The following IL17B variants were observed in gnomAD, a reference collection of about 807,000 sequenced individuals.
IL17B encodes interleukin 17B.
Under a neutral mutation model 14.7 loss-of-function variants are expected in IL17B, and 14 were observed. The ratio of observed to expected loss-of-function variants is 0.95; its 90% CI spans 0.63 to 1.49. The LOEUF is 1.49. Among genes scored for constraint, IL17B ranks in the 40% most tolerant of loss-of-function variants. The pLI, the probability that IL17B is intolerant of heterozygous loss-of-function variation, is 0.00. For missense variants in IL17B, 233 were observed against 252.8 expected, an observed-to-expected ratio of 0.92 and a Z score of 0.53; for synonymous variants, 105 against 94.8, an observed-to-expected ratio of 1.11 and a Z score of -0.62.
intron 1 of IL17B, among the ~76,000 whole-genome samples, chr5:149,390,121 T>C (rs1758907215): frequency 6.6e-6 from 1 of 152,012 alleles, no homozygotes; most frequent in South Asian, 2.1e-4. Context: ...GGGTGGTGAA[T>C]ATGAATTTGT....
intron 2 of IL17B, among the ~76,000 whole-genome samples, chr5:149,375,428 A>C (rs1428390976): frequency 6.6e-6 from 1 of 152,224 alleles, no homozygotes; most frequent in East Asian, 1.9e-4. Flanking sequence ...CTTGCTAGAA[A>C]TGCAGAACCT....
At chr5:149,390,085 T>C (rs930429033) in intron 1 of IL17B, among the ~76,000 whole-genome samples, 1 of 152,170 alleles carries the variant, frequency 6.6e-6, no homozygotes, top group African/African-American at 2.4e-5. Flanking sequence ...TAATAACGTC[T>C]CTGGTGCCAT....
upstream of IL17B, among the ~76,000 whole-genome samples, chr5:149,382,103 A>C (rs1429345498): frequency 6.6e-6 from 1 of 151,994 alleles, no homozygotes; most frequent in Non-Finnish European, 1.5e-5. Flanking sequence ...AAATGTACTG[A>C]CCCTGAGGGA....
intron 1 of IL17B, among the ~76,000 whole-genome samples, chr5:149,390,420 G>A (rs576361170): frequency 2.0e-5 from 3 of 151,976 alleles, no homozygotes; most frequent in East Asian, 1.9e-4. Context: ...ACTCTCCCAC[G>A]CCCAGATGCT....
rs1443751547 is a variant in IL17B at position 149,379,197 on chromosome 5, C to T, written c.21+8G>A. 2 of 1,613,890 alleles carry T rather than the reference C, an allele frequency of 1.2e-6. No homozygotes were observed. The highest frequency in any genetic ancestry group is 1.7e-5 in the Admixed American group (1 of 60,008). On this transcript the variant is annotated splice_region_variant and intron_variant, in intron 1 of 2. Transcript: ENST00000261796. ...GGGGTGGGGGTGCGGCAGGGAAGCGCCACGTACCAGGTTGTGAGGCCAGTC... is the reference window on the plus strand; with the variant it reads ...GGGGTGGGGGTGCGGCAGGGAAGCGTCACGTACCAGGTTGTGAGGCCAGTC...
At chr5:149,401,995 G>A (rs1183381528) in intron 1 of IL17B, among the ~76,000 whole-genome samples, 1 of 152,140 alleles carries the variant, frequency 6.6e-6, no homozygotes, top group Non-Finnish European at 1.5e-5. Flanking sequence ...GTGTGGCCCG[G>A]TTTTCCTTGA....
Position 149,379,208 on chromosome 5 carries a change from G to C in IL17B, c.18C>G (p.Asn6Lys). 6.2e-7 allele frequency: 1 copy of C among 1,614,064 alleles called. No homozygotes were observed. The highest frequency in any genetic ancestry group is 1.7e-5 in the Admixed American group (1 of 60,030). ...GCGGCAGGGAAGCGCCACGTACCAG[G>C]TTGTGAGGCCAGTCCATTCCGCCAA... MDWPHNLLFLLTISIF... is the reference protein window; with the variant it reads MDWPHKLLFLLTISIF... The change falls in exon 1 of 3, where the codon AAC (asparagine) becomes AAG (lysine). Residue 6 changes from asparagine (N) to lysine (K), a missense_variant. By Grantham distance (94) the Asn-to-Lys change is moderately conservative. Coordinates refer to ENST00000261796, the MANE Select transcript of IL17B (RefSeq NM_014443.3).
upstream of IL17B, among the ~76,000 whole-genome samples, chr5:149,381,952 G>C (rs977071061): frequency 4.6e-5 from 7 of 152,228 alleles, no homozygotes; most frequent in Admixed American, 1.3e-4. Flanking sequence ...ATGCGTGAAT[G>C]AAGGACTGGG....
chr5:149,376,876 G>A lies in IL17B; in HGVS notation c.171C>T (p.Ala57=). Residue 57 remains alanine, a synonymous_variant, in exon 2 of 3, where the codon GCC becomes GCT. Transcript: ENST00000261796. The part of the protein sequence containing the change: ...LDLVSRMKPY[A]RMEEYERNIE... ...TGTTCCTCTCATACTCCTCCATGCG[G>A]GCATACGGTTTCATCCGTGACACCA... 1 of 1,614,168 alleles carries A rather than the reference G, an allele frequency of 6.2e-7. No homozygotes were observed. Among genetic ancestry groups the A allele is most frequent in the African/African-American group, 1.3e-5 (1 of 75,058 alleles).
intron 1 of IL17B, among the ~76,000 whole-genome samples, chr5:149,386,386 T>C (rs1162060007): frequency 6.6e-6 from 1 of 152,060 alleles, no homozygotes; most frequent in African/African-American, 2.4e-5. Flanking sequence ...CTGACACACA[T>C]CACATCACCC....
intron 1 of IL17B, among the ~76,000 whole-genome samples, chr5:149,388,228 A>G (rs1421731556): frequency 6.6e-6 from 1 of 152,254 alleles, no homozygotes; most frequent in Non-Finnish European, 1.5e-5. Flanking sequence ...TTCTCTCCCC[A>G]GCAGTGTGCT....
At chr5:149,394,516 C>T (rs1759052874) in intron 1 of IL17B, among the ~76,000 whole-genome samples, 3 of 152,200 alleles carry the variant, frequency 2.0e-5, no homozygotes, top group Admixed American at 6.5e-5. Flanking sequence ...TGATAATGCA[C>T]TTCTGTGGAG....
intron 1 of IL17B, among the ~76,000 whole-genome samples, chr5:149,390,630 C>CACAGAGAGAGAG (rs1491235916): frequency 7.6e-6 from 1 of 132,002 alleles, no homozygotes; most frequent in African/African-American, 2.9e-5. Context: ...CACACACACA[C>CACAGAGAGAGAG]AGAGATACAC....
At chr5:149,381,260 A>G (rs1758689313), upstream of IL17B, among the ~76,000 whole-genome samples, 10 of 152,148 alleles carry the variant, frequency 6.6e-5, no homozygotes, top group Admixed American at 6.5e-4. Context: ...CCCCTGCTCC[A>G]GCTGCAGTGC....
chr5:149,389,940 T>A (rs901740509), intron 1 of IL17B, among the ~76,000 whole-genome samples: 3 of 152,072 alleles, frequency 2.0e-5, no homozygotes, highest in African/African-American at 7.2e-5. Context: ...CCGGGAGACA[T>A]GGGCAGGGGT....
intron 1 of IL17B, among the ~76,000 whole-genome samples, chr5:149,396,374 A>G (rs957465127): frequency 6.6e-6 from 1 of 152,246 alleles, no homozygotes; most frequent in Non-Finnish European, 1.5e-5. Context: ...TGAAAGTGCC[A>G]TTCATTGGCC....
chr5:149,376,614 G>A (rs1279530036), intron 2 of IL17B, 122 bp downstream of exon 2: 1 of 1,291,002 alleles, frequency 7.7e-7, no homozygotes, highest in African/African-American at 1.5e-5. Flanking sequence ...GTAAGAGGCA[G>A]AGCTAGGGTT....
chr5:149,377,807 G>T (rs1384603181), intron 1 of IL17B, among the ~76,000 whole-genome samples: 1 of 152,028 alleles, frequency 6.6e-6, no homozygotes, highest in Non-Finnish European at 1.5e-5. Context: ...GTGTGGGAGG[G>T]GTGGGTTGGG....
At position 149,402,043 on chromosome 5, in the gene IL17B, A is replaced by G. The variant is rs529446280; in HGVS notation, n.95+2065T>C. Among the ~76,000 whole-genome samples the G allele has an allele frequency of 7.1e-4, 108 of 152,170 alleles. 1 individual carries two copies. The highest frequency in any genetic ancestry group is 1.5e-3 in the Non-Finnish European group (99 of 68,030). Reference sequence around the variant, plus strand: ...TCAAGCCCCATGTGCTGGTGATAGCAGGAAGTCCAGCATGCAGCCCAGCTG... The same window carrying G: ...TCAAGCCCCATGTGCTGGTGATAGCGGGAAGTCCAGCATGCAGCCCAGCTG... On this transcript the variant is annotated intron_variant and non_coding_transcript_variant, in intron 1 of 2. Coordinates refer to the IL17B transcript ENST00000505432.
Sources: gnomAD v4.1 joint callset for allele counts (sites outside exome capture counted in the v4.1 genomes callset) on GRCh38, gnomAD v4.1.1 for gene constraint, MANE v1.5 for transcripts, NCBI Gene and HGNC (gene_info 2026-07-23, HGNC 2026-07-21) for gene names.